ACVR2A: variants seen among roughly 807,000 people sequenced by gnomAD.
ACVR2A encodes activin A receptor type 2A.
A neutral mutation model predicts 61.4 loss-of-function variants in ACVR2A; 7 were observed. That is an observed-to-expected ratio of 0.11 (90% confidence interval 0.06 to 0.21). The LOEUF (loss-of-function observed/expected upper bound fraction) is 0.21, where lower values mean the gene tolerates loss of function less well. Among genes scored for constraint, ACVR2A ranks in the 10% least tolerant of loss-of-function variants. The probability of loss-of-function intolerance (pLI) is 1.00; values close to 1 mark genes in which losing one functional copy is unlikely to be tolerated. For synonymous variants in ACVR2A, 193 were observed against 208.3 expected (o/e 0.93, Z 0.63); for missense variants, 322 against 621.7 (o/e 0.52, Z 5.13).
Position 147,899,731 on chromosome 2 carries a change from C to T in ACVR2A, c.374-13C>T. On this transcript the variant is annotated splice_polypyrimidine_tract_variant and intron_variant, in intron 3 of 10. Coordinates refer to ENST00000241416, the MANE Select transcript of ACVR2A (RefSeq NM_001616.5). ...GACCAAATCTGAGTTATTTTTCCCC[C>T]CCTTTTCCACAGCCACTTCAAATCC... 1 of 1,610,786 alleles carries T rather than the reference C, an allele frequency of 6.2e-7. No homozygotes were observed. The highest frequency in any genetic ancestry group is 1.1e-5 in the South Asian group (1 of 90,356).
chr2:147,887,956 G>A (rs915569913), intron 1 of ACVR2A, among the ~76,000 whole-genome samples: 1 of 152,108 alleles, frequency 6.6e-6, no homozygotes, highest in Non-Finnish European at 1.5e-5. Context: ...GGTTTTTCTG[G>A]GAGGCTTTCT....
rs1317819195 is a variant in ACVR2A, at chr2:147,927,347, A to G, written c.*73A>G. 7.2e-7 allele frequency: 1 copy of G among 1,385,170 alleles called. No individual in the cohort carries two copies. Among genetic ancestry groups the G allele is most frequent in the Non-Finnish European group, 9.8e-7 (1 of 1,019,088 alleles). The allele number at this position is 1,385,170 out of a possible 1,614,324, so 85.8% of individuals were successfully genotyped here. ...CTGCTAAGCTAAAGAAACTGCTTAC[A>G]GTTTATTTTCTGTGTAAAATGAGTA... On this transcript the variant is annotated 3_prime_UTR_variant, in exon 11 of 11. Coordinates refer to ENST00000241416, the MANE Select transcript of ACVR2A (RefSeq NM_001616.5).
intron 10 of ACVR2A, 74 bp from the exon 11 acceptor site, chr2:147,927,006 A>T: frequency 7.0e-7 from 1 of 1,428,006 alleles, no homozygotes. Flanking sequence ...CCATTTCTTC[A>T]TGAAAATTTT....
chr2:147,908,056 A>C (rs1176929764), intron 4 of ACVR2A, among the ~76,000 whole-genome samples: 1 of 139,694 alleles, frequency 7.2e-6, no homozygotes, highest in Non-Finnish European at 1.6e-5. Flanking sequence ...AAAAAAAAAG[A>C]AAAAAAAGAA....
Position 147,891,094 on chromosome 2 carries a change from C to T in ACVR2A, c.56-5207C>T, listed in dbSNP as rs191848679. 2.2e-4 allele frequency among the ~76,000 whole-genome samples: 33 copies of T among 152,268 alleles called. No individual in the cohort carries two copies. The East Asian group carries it at 6.2e-3, about 29-fold the overall frequency. ...AAATACAAGACACTAATGCTGCTCC[C>T]CTTCCCTTCCAATACTATGAAATCC... On this transcript the variant is annotated intron_variant, in intron 1 of 10. Coordinates refer to ENST00000241416, the MANE Select transcript of ACVR2A (RefSeq NM_001616.5).
chr2:147,879,918 C>G (rs974750771), intron 1 of ACVR2A, among the ~76,000 whole-genome samples: 1 of 152,276 alleles, frequency 6.6e-6, no homozygotes, highest in Non-Finnish European at 1.5e-5. Flanking sequence ...AAAAATCTAA[C>G]TTAGATTTTC....
At chr2:147,904,247 CAGTG>C (rs1455434977) in intron 4 of ACVR2A, among the ~76,000 whole-genome samples, 5 of 151,896 alleles carry the variant, frequency 3.3e-5, no homozygotes, top group Non-Finnish European at 4.4e-5. Context: ...TTTCTAGTGA[CAGTG>C]AGTCATGAAT....
intron 1 of ACVR2A, among the ~76,000 whole-genome samples, chr2:147,874,092 A>G (rs879934281): frequency 1.3e-5 from 2 of 152,106 alleles, no homozygotes; most frequent in East Asian, 3.9e-4. Flanking sequence ...AAGATTAGGC[A>G]GAATACTATA....
At chr2:147,858,229 G>A (rs1685635782) in intron 1 of ACVR2A, among the ~76,000 whole-genome samples, 1 of 152,108 alleles carries the variant, frequency 6.6e-6, no homozygotes, top group Non-Finnish European at 1.5e-5. Flanking sequence ...ACTTTGAAAT[G>A]CTATGCCAAA....
At chr2:147,908,993 T>G (rs1008122545) in intron 4 of ACVR2A, among the ~76,000 whole-genome samples, 5 of 152,200 alleles carry the variant, frequency 3.3e-5, no homozygotes, top group African/African-American at 1.2e-4. Context: ...GTGTATGTGT[T>G]TACTAAATAT....
intron 1 of ACVR2A, among the ~76,000 whole-genome samples, chr2:147,856,342 C>G (rs963758503): frequency 3.3e-5 from 5 of 152,134 alleles, no homozygotes; most frequent in Admixed American, 1.3e-4. Context: ...ATGGTGCCTG[C>G]CTCTTTTCAT....
chr2:147,844,968 T>G (rs548038757), upstream of ACVR2A: 82 of 445,416 alleles, frequency 1.8e-4, 3 homozygotes, highest in Admixed American at 3.9e-3. Flanking sequence ...GTTGTGCTCT[T>G]TTTTTTCTTT....
chr2:147,921,723 AG>A (rs1333722987), intron 8 of ACVR2A, among the ~76,000 whole-genome samples: 1 of 152,172 alleles, frequency 6.6e-6, no homozygotes, highest in Non-Finnish European at 1.5e-5. Flanking sequence ...GACTATCATA[AG>A]ACTAAATTCT....
At chr2:147,892,223 G>A (rs902817509) in intron 1 of ACVR2A, among the ~76,000 whole-genome samples, 5 of 151,984 alleles carry the variant, frequency 3.3e-5, no homozygotes, top group African/African-American at 1.2e-4. Context: ...GCCTGCCTCG[G>A]CTTCCCAAAG....
intron 2 of ACVR2A, among the ~76,000 whole-genome samples, chr2:147,897,372 A>G (rs75965035): frequency 0.022 from 3,415 of 152,238 alleles, 144 homozygotes; most frequent in African/African-American, 0.077. Flanking sequence ...CTCAAACTAC[A>G]TACTTGTTTT....
intron 1 of ACVR2A, among the ~76,000 whole-genome samples, chr2:147,889,703 C>T (rs1263243866): frequency 2.0e-5 from 3 of 151,840 alleles, no homozygotes; most frequent in Admixed American, 2.0e-4. Flanking sequence ...GCCGAGATCG[C>T]ACCATTGCAC....
At chr2:147,869,526 A>T (rs1029693552) in intron 1 of ACVR2A, among the ~76,000 whole-genome samples, 2 of 152,228 alleles carry the variant, frequency 1.3e-5, no homozygotes, top group African/African-American at 4.8e-5. Context: ...GGGGAATAAC[A>T]TATAGGGTAA....
intron 9 of ACVR2A, among the ~76,000 whole-genome samples, chr2:147,923,398 G>C (rs1687432575): frequency 6.6e-6 from 1 of 151,974 alleles, no homozygotes; most frequent in South Asian, 2.1e-4. Flanking sequence ...TTACATATGA[G>C]GAAATTGAGA....
intron 1 of ACVR2A, among the ~76,000 whole-genome samples, chr2:147,879,371 A>C (rs1479632854): frequency 1.3e-5 from 2 of 152,198 alleles, no homozygotes; most frequent in Non-Finnish European, 2.9e-5. Flanking sequence ...CCTTTTTATA[A>C]TGGCATTAAT....
Sources: allele counts gnomAD v4.1 joint callset (sites outside exome capture counted in the v4.1 genomes callset), GRCh38; gene constraint gnomAD v4.1.1; transcripts MANE v1.5; gene names NCBI Gene and HGNC (gene_info 2026-07-23, HGNC 2026-07-21).